GRHL1: variants seen among roughly 807,000 people sequenced by gnomAD.
The protein encoded by GRHL1 is grainyhead like transcription factor 1.
Under a neutral mutation model 75.7 loss-of-function variants are expected in GRHL1, and 38 were observed. The observed-to-expected ratio is 0.50, with a 90% CI of 0.39 to 0.66. The LOEUF is 0.66. GRHL1 is among the 30% of genes least tolerant of loss of function. The probability of loss-of-function intolerance (pLI) is 0.00; values close to 1 mark genes in which losing one functional copy is unlikely to be tolerated. For missense variants in GRHL1, 589 were observed against 767.5 expected (o/e 0.77, Z 2.75); for synonymous variants, 266 against 279.4 (o/e 0.95, Z 0.48).
chr2:9,990,862 G>T lies in GRHL1; in HGVS notation c.1321+115G>T. ...CTGGAGTTTGCACGCAGAAGACAGT[G>T]GGTGTTCTTCCTGTTCTGCAGTGTG... On this transcript the variant is annotated intron_variant, in intron 10 of 15. Coordinates refer to ENST00000324907, the MANE Select transcript of GRHL1 (RefSeq NM_198182.3). The surrounding 1 kb of genome is among the most constrained non-coding windows in gnomAD (Gnocchi z 4.2). 1 of 778,114 alleles carries T rather than the reference G, an allele frequency of 1.3e-6. No homozygotes were observed. The highest frequency in any genetic ancestry group is 2.2e-6 in the Non-Finnish European group (1 of 462,646). 48.2% of individuals were successfully genotyped at this position (778,114 alleles called of 1,614,324 possible). A position where few individuals can be genotyped will look rare whatever the true frequency, so the allele number is the denominator to read the frequency against.
Position 9,968,608 on chromosome 2 carries a change from A to C in GRHL1, c.1110+3227A>C, listed in dbSNP as rs891613130. 6.6e-6 allele frequency among the ~76,000 whole-genome samples: 1 copy of C among 152,194 alleles called. No homozygotes were observed. The highest frequency in any genetic ancestry group is 1.5e-5 in the Non-Finnish European group (1 of 68,030). The stretch of plus-strand genomic sequence containing the variant: ...AGAAGCAATTGCCTTTGAAGCATTA[A>C]AAGATGGAGCTTTGGTAAGATGCTG... On this transcript the variant is annotated intron_variant, in intron 8 of 15. Transcript: ENST00000324907. The surrounding 1 kb of genome is among the most constrained non-coding windows in gnomAD (Gnocchi z 4.7).
chr2:9,964,012 A>G lies in GRHL1; in HGVS notation c.873A>G (p.Glu291=), dbSNP rs1483395440. The change falls in exon 6 of 16, where the codon GAA becomes GAG. Residue 291 remains glutamate (E), a synonymous_variant. Coordinates refer to ENST00000324907, the MANE Select transcript of GRHL1 (RefSeq NM_198182.3). ...CCTTGAAGGAGGTGAGCAGCAGTGA[A>G]GGAATCCATCATCCCATCAGCAAAG... The part of the protein sequence containing the change: ...PITLKEVSSS[E]GIHHPISKVR... 6.2e-7 allele frequency: 1 copy of G among 1,613,978 alleles called. No homozygotes were observed. Among genetic ancestry groups the G allele is most frequent in the Admixed American group, 1.7e-5 (1 of 60,020 alleles).
intron 9 of GRHL1, among the ~76,000 whole-genome samples, chr2:9,988,740 G>C (rs924374307): frequency 6.6e-6 from 1 of 152,116 alleles, no homozygotes; most frequent in African/African-American, 2.4e-5. Context: ...GTCTCCCAGG[G>C]ATCACTGTTC....
chr2:9,964,094 A>G (rs1352758531), intron 6 of GRHL1, 52 bp downstream of exon 6: 9 of 1,550,824 alleles, frequency 5.8e-6, no homozygotes, highest in Non-Finnish European at 8.0e-6. Context: ...AGAGCCTAAC[A>G]TTTCCAGGTC....
intron 8 of GRHL1, among the ~76,000 whole-genome samples, chr2:9,976,475 C>T (rs1450094770): frequency 1.3e-5 from 2 of 152,010 alleles, no homozygotes; most frequent in Non-Finnish European, 2.9e-5. Flanking sequence ...GTCTGTGGAC[C>T]AAGGGTCTTG....
chr2:9,953,344 A>C (rs187776217), intron 1 of GRHL1, among the ~76,000 whole-genome samples: 3 of 152,378 alleles, frequency 2.0e-5, no homozygotes, highest in Middle Eastern at 3.4e-3. Flanking sequence ...TACATCAGTC[A>C]ATCAGTCCAT....
At chr2:9,976,874 T>G (rs1667968621) in intron 8 of GRHL1, among the ~76,000 whole-genome samples, 2 of 152,216 alleles carry the variant, frequency 1.3e-5, no homozygotes, top group African/African-American at 2.4e-5. Context: ...AAAGTATGGC[T>G]GGAAAGGTGG....
At chr2:9,996,986 T>C (rs114144865) in intron 14 of GRHL1, among the ~76,000 whole-genome samples, 40 of 152,326 alleles carry the variant, frequency 2.6e-4, no homozygotes, top group African/African-American at 9.6e-4. Flanking sequence ...CCGTTCCAGC[T>C]GTGCACTGGA....
intron 8 of GRHL1, among the ~76,000 whole-genome samples, chr2:9,972,671 G>A (rs574704893): frequency 9.9e-5 from 15 of 152,138 alleles, no homozygotes; most frequent in African/African-American, 2.2e-4. Flanking sequence ...GCCGTGTTCC[G>A]TGCCTGGTGA....
chr2:9,985,604 A>T (rs80160184), intron 8 of GRHL1, among the ~76,000 whole-genome samples: 65 of 152,376 alleles, frequency 4.3e-4, no homozygotes, highest in African/African-American at 1.5e-3. Context: ...ATGGGCAAAG[A>T]TTGAGAGAGA....
chr2:9,990,144 G>C lies in GRHL1; in HGVS notation c.1270-552G>C, dbSNP rs960572141. Reference sequence around the variant, plus strand: ...TTAACACGACCACATCCATTATAAGGAGAAATTTTGCTTTTTTTTTTTGAG... The same window carrying C: ...TTAACACGACCACATCCATTATAAGCAGAAATTTTGCTTTTTTTTTTTGAG... On this transcript the variant is annotated intron_variant, in intron 9 of 15. Transcript: ENST00000324907. The surrounding 1 kb of genome is among the most constrained non-coding windows in gnomAD (Gnocchi z 4.2). 3.0e-4 allele frequency among the ~76,000 whole-genome samples: 46 copies of C among 151,586 alleles called. No homozygotes were observed. Among genetic ancestry groups the C allele is most frequent in the African/African-American group, 1.0e-3 (42 of 41,066 alleles).
chr2:9,998,096 G>A (rs961730324), intron 14 of GRHL1, among the ~76,000 whole-genome samples: 1 of 152,250 alleles, frequency 6.6e-6, no homozygotes, highest in African/African-American at 2.4e-5. Context: ...GCCACCTGAG[G>A]CTCTGTTTCT....
Position 9,990,456 on chromosome 2 carries a change from T to G in GRHL1, c.1270-240T>G, listed in dbSNP as rs1204768609. ...ATGAGCTACCGCTTCCGGCCGGAATTTTGCTTTATTTGTTTTTCAAATAAA... is the reference window on the plus strand; with the variant it reads ...ATGAGCTACCGCTTCCGGCCGGAATGTTGCTTTATTTGTTTTTCAAATAAA... On this transcript the variant is annotated intron_variant, in intron 9 of 15. Transcript: ENST00000324907. This position sits in a 1 kb window ranked among gnomAD's most constrained non-coding sequence, Gnocchi z 4.2. Among the ~76,000 whole-genome samples, 1 of 152,148 alleles carries G rather than the reference T, an allele frequency of 6.6e-6. No homozygotes were observed. Among genetic ancestry groups the G allele is most frequent in the African/African-American group, 2.4e-5 (1 of 41,428 alleles).
In GRHL1 at chr2:10,000,714, G is replaced by C; in HGVS notation, c.*7G>C. 6.9e-7 allele frequency: 1 copy of C among 1,448,012 alleles called. No individual in the cohort carries two copies. The highest frequency in any genetic ancestry group is 1.1e-5 in the South Asian group (1 of 87,162). 89.7% of individuals were successfully genotyped at this position (1,448,012 alleles called of 1,614,324 possible). A position where few individuals can be genotyped will look rare whatever the true frequency, so the allele number is the denominator to read the frequency against. On this transcript the variant is annotated 3_prime_UTR_variant, in exon 16 of 16. Coordinates refer to ENST00000324907, the MANE Select transcript of GRHL1 (RefSeq NM_198182.3). ...CACCCTGACGGAGATCTAAAGGCCTGCGGGCCACAGCTCCCCAGGAGTTCA... is the reference window on the plus strand; with the variant it reads ...CACCCTGACGGAGATCTAAAGGCCTCCGGGCCACAGCTCCCCAGGAGTTCA...
chr2:9,986,440 C>T (rs1292131126), intron 9 of GRHL1, among the ~76,000 whole-genome samples, 158 bp downstream of exon 9: 1 of 152,042 alleles, frequency 6.6e-6, no homozygotes, highest in East Asian at 1.9e-4. Context: ...ATTGTTGAGA[C>T]AGAGTCTCCC....
intron 10 of GRHL1, 102 bp from the exon 11 acceptor site, chr2:9,991,905 T>G (rs1668659953): frequency 1.2e-6 from 1 of 836,424 alleles, no homozygotes; most frequent in South Asian, 1.9e-5. Context: ...AGTGCTACAC[T>G]TGGAGTATCT....
intron 12 of GRHL1, among the ~76,000 whole-genome samples, chr2:9,995,599 A>C (rs113404658): frequency 3.2e-4 from 48 of 151,000 alleles, no homozygotes; most frequent in African/African-American, 8.3e-4. Flanking sequence ...AAAAAAAAAA[A>C]AACCAAAGCG....
chr2:9,974,751 C>G (rs1667877671), intron 8 of GRHL1, among the ~76,000 whole-genome samples: 1 of 152,224 alleles, frequency 6.6e-6, no homozygotes, highest in Non-Finnish European at 1.5e-5. Context: ...AGTCATGTTG[C>G]AGGGAGTCAG....
At chr2:9,958,986 T>G in intron 3 of GRHL1, 130 bp downstream of exon 3, 2 of 1,348,780 alleles carry the variant, frequency 1.5e-6, no homozygotes, top group South Asian at 1.7e-5. Context: ...TCTTACTATC[T>G]AAATTCAGAT....
Sources: allele counts gnomAD v4.1 joint callset (sites outside exome capture counted in the v4.1 genomes callset), GRCh38; gene constraint gnomAD v4.1.1; non-coding constraint Gnocchi (gnomAD v3.1); transcripts MANE v1.5; gene names NCBI Gene and HGNC (gene_info 2026-07-23, HGNC 2026-07-21).